The following EXOC1 variants were observed in gnomAD, a reference collection of about 807,000 sequenced individuals.
The protein encoded by EXOC1 is exocyst complex component 1.
In EXOC1, 67 loss-of-function variants were observed where a neutral mutation model predicts 107.7. The ratio of observed to expected loss-of-function variants is 0.62; its 90% CI spans 0.51 to 0.76. The LOEUF (loss-of-function observed/expected upper bound fraction) is 0.76. Ranked by LOEUF, EXOC1 falls within the 30% of genes least tolerant of loss-of-function variation. The probability of loss-of-function intolerance (pLI) is 0.00; values close to 1 mark genes in which losing one functional copy is unlikely to be tolerated. For synonymous variants in EXOC1, 348 were observed against 353.5 expected (o/e 0.98, Z 0.17); for missense variants, 833 against 1,055.7 (o/e 0.79, Z 2.92).
intron 17 of EXOC1, 119 bp downstream of exon 17, chr4:55,900,003 C>T (rs1725710854): frequency 2.6e-6 from 2 of 758,380 alleles, no homozygotes; most frequent in Non-Finnish European, 4.1e-6. Flanking sequence ...ACAGGGGACT[C>T]AGTTATTGAA....
chr4:55,871,382 T>C (rs1331491428), intron 7 of EXOC1, 149 bp downstream of exon 7: 6 of 1,048,732 alleles, frequency 5.7e-6, no homozygotes, highest in East Asian at 2.7e-5. Context: ...TCCCAACTTA[T>C]TTCTATTGAT....
At chr4:55,867,928 G>A (rs998938314) in intron 4 of EXOC1, among the ~76,000 whole-genome samples, 1 of 152,122 alleles carries the variant, frequency 6.6e-6, no homozygotes, top group Non-Finnish European at 1.5e-5. Context: ...AAAAAGGAAA[G>A]CAAATTGTTT....
intron 4 of EXOC1, among the ~76,000 whole-genome samples, chr4:55,865,913 C>T: frequency 6.6e-6 from 1 of 151,888 alleles, no homozygotes; most frequent in Non-Finnish European, 1.5e-5. Flanking sequence ...TAACTGAGAT[C>T]GATTTTAAGA....
chr4:55,859,533 GAA>G (rs773965496), intron 2 of EXOC1, among the ~76,000 whole-genome samples: 1 of 151,988 alleles, frequency 6.6e-6, no homozygotes, highest in Non-Finnish European at 1.5e-5. Flanking sequence ...TAGACTTTTT[GAA>G]AGTAGTGATA....
intron 9 of EXOC1, among the ~76,000 whole-genome samples, chr4:55,880,156 G>C (rs1352731638): frequency 6.6e-6 from 1 of 152,000 alleles, no homozygotes; most frequent in African/African-American, 2.4e-5. Flanking sequence ...ACATTTTTAT[G>C]TATCAGTTTT....
chr4:55,887,911 G>C (rs992641107), intron 10 of EXOC1, among the ~76,000 whole-genome samples: 6 of 150,804 alleles, frequency 4.0e-5, no homozygotes, highest in African/African-American at 1.5e-4. Context: ...TTGAGCTTCA[G>C]GTAGCCAAGG....
At chr4:55,860,283 T>C (rs1004301536) in intron 2 of EXOC1, 128 bp from the exon 3 acceptor site, 2 of 1,120,198 alleles carry the variant, frequency 1.8e-6, no homozygotes, top group Non-Finnish European at 1.2e-6. Context: ...TCATAGCACT[T>C]GTTGCAAAGT....
chr4:55,895,004 C>T (rs1165235861), intron 15 of EXOC1, among the ~76,000 whole-genome samples: 3 of 152,090 alleles, frequency 2.0e-5, no homozygotes, highest in South Asian at 4.2e-4. Context: ...CAAGGCATGG[C>T]ACTAGAGAAG....
intron 14 of EXOC1, 132 bp from the exon 15 acceptor site, chr4:55,893,420 A>C: frequency 2.4e-6 from 2 of 832,830 alleles, no homozygotes; most frequent in Non-Finnish European, 3.7e-6. Flanking sequence ...ACGCCTGGCT[A>C]TTTAGACATT....
Position 55,892,704 on chromosome 4 carries a change from T to A in EXOC1, c.1717T>A (p.Ser573Thr), listed in dbSNP as rs752491841. 6.2e-7 allele frequency: 1 copy of A among 1,613,902 alleles called. No individual in the cohort carries two copies. Among genetic ancestry groups the A allele is most frequent in the African/African-American group, 1.3e-5 (1 of 74,916 alleles). ...QHNCGTPLPVSSEKDMIRQMM... is the reference protein window; with the variant it reads ...QHNCGTPLPVTSEKDMIRQMM... ...TAATTGTGGCACACCACTGCCTGTT[T>A]CATCTGAGTATGTCTTTGTTACTAT... Residue 573 changes from serine to threonine, a missense_variant, in exon 14 of 19, where the codon TCA becomes ACA. Around this residue, in one of 2 missense-constraint regions of EXOC1, gnomAD observed 617 missense variants for 701.3 expected, o/e 0.88. Coordinates refer to ENST00000381295, the MANE Select transcript of EXOC1 (RefSeq NM_001024924.2).
intron 11 of EXOC1, among the ~76,000 whole-genome samples, chr4:55,889,315 T>C (rs938652672): frequency 6.6e-6 from 1 of 151,656 alleles, no homozygotes; most frequent in South Asian, 2.1e-4. Flanking sequence ...TAGCAAATAG[T>C]ACAAGTTAAC....
chr4:55,884,039 G>GA, intron 10 of EXOC1, 111 bp downstream of exon 10: 3 of 720,658 alleles, frequency 4.2e-6, no homozygotes, highest in Non-Finnish European at 2.3e-6. Flanking sequence ...CAGAATTTAT[G>GA]AAAAAAGAGG....
At position 55,892,482 on chromosome 4, in the gene EXOC1, A is replaced by T. The variant is rs1217821747; in HGVS notation, c.1648-153A>T. The T allele has an allele frequency of 6.4e-6, 4 of 628,818 alleles. No individual in the cohort carries two copies. In the Admixed American group the frequency reaches 1.1e-4, roughly 18 times the overall value. 39.0% of individuals were successfully genotyped at this position (628,818 alleles called of 1,614,324 possible). On this transcript the variant is annotated intron_variant, in intron 13 of 18. Coordinates refer to ENST00000381295, the MANE Select transcript of EXOC1 (RefSeq NM_001024924.2). ...ACATTCTTAAATAGCATACTAAATT[A>T]TATAGCTAGCTTTATCATAATGCTA...
intron 1 of EXOC1, 106 bp downstream of exon 1, chr4:55,854,059 A>G (rs1720719635): frequency 6.6e-6 from 1 of 152,340 alleles, no homozygotes; most frequent in African/African-American, 2.4e-5. Flanking sequence ...GGTTCCGCCC[A>G]TCGGAACCAG....
At chr4:55,888,983 T>A in intron 11 of EXOC1, 51 bp downstream of exon 11, 1 of 1,584,370 alleles carries the variant, frequency 6.3e-7, no homozygotes, top group Non-Finnish European at 8.7e-7. Context: ...GTTTGTTTAA[T>A]GTCTAGAAAT....
intron 8 of EXOC1, chr4:55,876,012 C>G: frequency 1.0e-6 from 1 of 981,058 alleles, no homozygotes; most frequent in South Asian, 4.7e-5. Context: ...CTGTAGAATC[C>G]TGATTATCCT....
At chr4:55,891,983 G>C (rs1724611267) in intron 13 of EXOC1, among the ~76,000 whole-genome samples, 1 of 152,072 alleles carries the variant, frequency 6.6e-6, no homozygotes, top group Non-Finnish European at 1.5e-5. Context: ...ACATATAAGA[G>C]AATAAGATGA....
intron 10 of EXOC1, among the ~76,000 whole-genome samples, chr4:55,884,708 C>T (rs910119716): frequency 6.6e-6 from 1 of 152,156 alleles, no homozygotes; most frequent in Non-Finnish European, 1.5e-5. Flanking sequence ...TTGTGTACTC[C>T]TCAGTGTGTC....
intron 5 of EXOC1, 62 bp downstream of exon 5, chr4:55,868,585 T>C: frequency 6.8e-7 from 1 of 1,471,638 alleles, no homozygotes; most frequent in Non-Finnish European, 9.3e-7. Flanking sequence ...GCTAATGATG[T>C]TCATATTATA....
Sources: allele counts gnomAD v4.1 joint callset (sites outside exome capture counted in the v4.1 genomes callset), GRCh38; gene constraint gnomAD v4.1.1; regional missense constraint gnomAD v4.1.1; transcripts MANE v1.5; gene names NCBI Gene and HGNC (gene_info 2026-07-23, HGNC 2026-07-21).